The following CYP4X1 variants were observed in gnomAD, a reference collection of about 807,000 sequenced individuals.
CYP4X1 encodes the protein cytochrome P450 4X1.
Under a neutral mutation model 57.9 loss-of-function variants are expected in CYP4X1, and 44 were observed. The observed-to-expected ratio is 0.76, with a 90% CI of 0.60 to 0.98. The LOEUF is 0.98. Among genes scored for constraint, CYP4X1 ranks in the 50% least tolerant of loss-of-function variants. The pLI is 0.00. For synonymous variants in CYP4X1, 227 were observed against 228.6 expected (o/e 0.99, Z 0.06); for missense variants, 532 against 623.9 (o/e 0.85, Z 1.57).
upstream of CYP4X1, among the ~76,000 whole-genome samples, chr1:47,022,616 C>G (rs1644010840): frequency 6.6e-6 from 1 of 152,082 alleles, no homozygotes; most frequent in Non-Finnish European, 1.5e-5. Flanking sequence ...ATCACTTACC[C>G]GCCAAATAAA....
At chr1:47,049,787 T>C (rs1301877036) in intron 11 of CYP4X1, among the ~76,000 whole-genome samples, 1 of 152,192 alleles carries the variant, frequency 6.6e-6, no homozygotes, top group African/African-American at 2.4e-5. Flanking sequence ...TAACTCCAAC[T>C]GCCGCCTTGT....
At chr1:46,975,645 G>A in the CYP4X1 span, among the ~76,000 whole-genome samples, 1 of 151,962 alleles carries the variant, frequency 6.6e-6, no homozygotes, top group African/African-American at 2.4e-5. Context: ...ATGTGTCTTG[G>A]GGATGGCCAT....
At chr1:47,036,271 T>C in intron 6 of CYP4X1, 100 bp downstream of exon 6, 2 of 1,367,486 alleles carry the variant, frequency 1.5e-6, no homozygotes, top group Non-Finnish European at 1.9e-6. Flanking sequence ...AAAGAATCTT[T>C]GTTATTAATG....
At chr1:47,027,856 A>G (rs1430900485) in intron 1 of CYP4X1, among the ~76,000 whole-genome samples, 1 of 152,028 alleles carries the variant, frequency 6.6e-6, no homozygotes, top group Admixed American at 6.6e-5. Context: ...CCCTATTATT[A>G]TTATCTTGGC....
chr1:47,017,633 T>A, the CYP4X1 span, among the ~76,000 whole-genome samples: 14 of 152,148 alleles, frequency 9.2e-5, no homozygotes, highest in Non-Finnish European at 1.8e-4. Flanking sequence ...CTGCCTCCCA[T>A]TCTATTCAAT....
At chr1:47,032,349 A>C (rs1353687061) in intron 3 of CYP4X1, among the ~76,000 whole-genome samples, 3 of 152,208 alleles carry the variant, frequency 2.0e-5, no homozygotes, top group Non-Finnish European at 4.4e-5. Context: ...GACTAGTTAA[A>C]TATGATCTTG....
At chr1:46,963,238 A>G in the CYP4X1 span, among the ~76,000 whole-genome samples, 2 of 152,184 alleles carry the variant, frequency 1.3e-5, no homozygotes, top group African/African-American at 4.8e-5. Flanking sequence ...TAGTTGGAGC[A>G]TTTAGCCCAT....
downstream of CYP4X1, among the ~76,000 whole-genome samples, chr1:47,054,967 G>A (rs1032493856): frequency 6.6e-6 from 1 of 152,198 alleles, no homozygotes; most frequent in Non-Finnish European, 1.5e-5. Context: ...TTGAATAGGA[G>A]TGGTGAGAGA....
At chr1:47,053,252 CT>C (rs1258644916), downstream of CYP4X1, among the ~76,000 whole-genome samples, 5 of 151,982 alleles carry the variant, frequency 3.3e-5, no homozygotes, top group African/African-American at 9.7e-5. Flanking sequence ...TGAACTCATC[CT>C]TTTTTATGGC....
At chr1:46,966,425 C>G in the CYP4X1 span, among the ~76,000 whole-genome samples, 1 of 152,254 alleles carries the variant, frequency 6.6e-6, no homozygotes, top group African/African-American at 2.4e-5. Context: ...ACTAGAGGAT[C>G]TCCTGGTCCA....
chr1:47,004,673 C>T, the CYP4X1 span, among the ~76,000 whole-genome samples: 1,906 of 152,100 alleles, frequency 0.013, 25 homozygotes, highest in Non-Finnish European at 0.016. Context: ...GAAATTGAGG[C>T]CACCTGGCTG....
Position 47,023,721 on chromosome 1 carries a change from C to G in CYP4X1, c.-97C>G. On this transcript the variant is annotated 5_prime_UTR_variant, in exon 1 of 12. Coordinates refer to ENST00000371901, the MANE Select transcript of CYP4X1 (RefSeq NM_178033.2). ...GAAGCTTCGCGAGGGCCCAGAGAGG[C>G]GGTGGGGTGGGCGACCCTACGCCAG... The G allele has an allele frequency of 6.7e-7, 1 of 1,487,506 alleles. No individual in the cohort carries two copies. The highest frequency in any genetic ancestry group is 8.9e-7 in the Non-Finnish European group (1 of 1,123,226). 92.1% of individuals were successfully genotyped at this position (1,487,506 alleles called of 1,614,324 possible). A position where few individuals can be genotyped will look rare whatever the true frequency, so the allele number is the denominator to read the frequency against.
the CYP4X1 span, among the ~76,000 whole-genome samples, chr1:46,964,353 A>C: frequency 1.3e-5 from 2 of 151,990 alleles, no homozygotes; most frequent in African/African-American, 4.8e-5. Context: ...GCTCTGTTTT[A>C]TCCCCTTCTT....
chr1:47,006,783 T>C, the CYP4X1 span, among the ~76,000 whole-genome samples: 1 of 152,220 alleles, frequency 6.6e-6, no homozygotes, highest in Non-Finnish European at 1.5e-5. Flanking sequence ...CAGGAGATTA[T>C]ATCCTGCGAC....
At chr1:47,017,528 T>G in the CYP4X1 span, among the ~76,000 whole-genome samples, 1 of 152,126 alleles carries the variant, frequency 6.6e-6, no homozygotes, top group African/African-American at 2.4e-5. Context: ...GCCTTTTCTA[T>G]CTCAGTGAAG....
chr1:46,961,376 C>T, the CYP4X1 span, among the ~76,000 whole-genome samples: 1 of 152,264 alleles, frequency 6.6e-6, no homozygotes, highest in Non-Finnish European at 1.5e-5. Context: ...GTGGCCTTGG[C>T]CTTCTGTTAT....
chr1:46,967,330 T>C, the CYP4X1 span, among the ~76,000 whole-genome samples: 2 of 152,192 alleles, frequency 1.3e-5, no homozygotes. Context: ...TTTAAGGCAC[T>C]GACGTTGTGG....
chr1:46,982,374 G>A, the CYP4X1 span, among the ~76,000 whole-genome samples: 1 of 152,086 alleles, frequency 6.6e-6, no homozygotes, highest in Admixed American at 6.6e-5. Context: ...TGTCATCTCA[G>A]CCATTTCTTT....
chr1:46,983,174 G>A, the CYP4X1 span, among the ~76,000 whole-genome samples: 1 of 152,200 alleles, frequency 6.6e-6, no homozygotes, highest in Non-Finnish European at 1.5e-5. Context: ...CAGCCTGGTG[G>A]CAGCAAGGGT....
Sources: allele counts gnomAD v4.1 joint callset (sites outside exome capture counted in the v4.1 genomes callset), GRCh38; gene constraint gnomAD v4.1.1; transcripts MANE v1.5; gene names NCBI Gene and HGNC (gene_info 2026-07-23, HGNC 2026-07-21).